Variants in ZP3 observed in about 807,000 individuals in gnomAD.
ZP3 encodes the protein zona pellucida sperm-binding protein 3.
ZP3 carries 21 observed loss-of-function variants against 35.6 expected under a neutral mutation model. The ratio of observed to expected loss-of-function variants is 0.59; its 90% CI spans 0.42 to 0.85. The LOEUF (loss-of-function observed/expected upper bound fraction) is 0.85, where lower values mean the gene tolerates loss of function less well. ZP3 is among the 40% of genes least tolerant of loss of function. The pLI is 0.00. For synonymous variants in ZP3, 207 were observed against 214.5 expected (o/e 0.96, Z 0.31); for missense variants, 437 against 536.5 (o/e 0.81, Z 1.83).
intron 2 of ZP3, among the ~76,000 whole-genome samples, chr7:76,430,730 A>G (rs1377850429): frequency 6.6e-6 from 1 of 152,186 alleles, no homozygotes; most frequent in Non-Finnish European, 1.5e-5. Flanking sequence ...GCAAGACTCC[A>G]TCTCAAAAAG....
chr7:76,413,755 C>T (rs1805304880), intron 1 of ZP3, among the ~76,000 whole-genome samples: 1 of 152,050 alleles, frequency 6.6e-6, no homozygotes, highest in Non-Finnish European at 1.5e-5. Context: ...CAGTTGCGAA[C>T]TCTGAGGTTG....
intron 2 of ZP3, 116 bp downstream of exon 2, chr7:76,429,749 A>C: frequency 1.2e-6 from 1 of 860,052 alleles, no homozygotes; most frequent in Middle Eastern, 3.0e-4. Flanking sequence ...CTACCTACCG[A>C]AGCATTTGCA....
At chr7:76,441,795 C>T (rs752743652) in intron 7 of ZP3, 47 bp from the exon 8 acceptor site, 114 of 1,613,502 alleles carry the variant, frequency 7.1e-5, no homozygotes, top group Admixed American at 4.7e-4. Flanking sequence ...ACCCAGTTCC[C>T]GGTTAGGGAC....
At chr7:76,412,178 ACT>A (rs1647979122) in intron 1 of ZP3, among the ~76,000 whole-genome samples, 1 of 144,570 alleles carries the variant, frequency 6.9e-6, no homozygotes, top group Non-Finnish European at 1.5e-5. Flanking sequence ...ACAGAGTGAG[ACT>A]CTGTCTCAAA....
At chr7:76,424,853 C>T, upstream of ZP3, 1 of 1,047,940 alleles carries the variant, frequency 9.5e-7, no homozygotes, top group East Asian at 2.6e-5. Context: ...AACAAGGGCC[C>T]AGCTGGCTAG....
intron 1 of ZP3, among the ~76,000 whole-genome samples, chr7:76,427,302 G>A (rs989613913): frequency 7.2e-5 from 11 of 152,090 alleles, no homozygotes; most frequent in African/African-American, 2.7e-4. Context: ...GAATCACGAG[G>A]TCAGGAGTTC....
exon 1 of ZP3, chr7:76,397,687 C>T: frequency 6.2e-7 from 1 of 1,613,432 alleles, no homozygotes; most frequent in Non-Finnish European, 8.5e-7. Context: ...CCATGGCCGC[C>T]CCGCAGCCCA....
chr7:76,401,804 T>G (rs543431721), intron 1 of ZP3, among the ~76,000 whole-genome samples: 2 of 152,312 alleles, frequency 1.3e-5, no homozygotes, highest in East Asian at 3.9e-4. Flanking sequence ...CTGTTTCCTC[T>G]GAATTCCTGG....
At chr7:76,436,086 C>T (rs1805998693) in intron 5 of ZP3, among the ~76,000 whole-genome samples, 1 of 97,200 alleles carries the variant, frequency 1.0e-5, no homozygotes. Context: ...GAGAGGGTCT[C>T]TGTCACCCAG....
chr7:76,421,258 G>T (rs931052493), upstream of ZP3, among the ~76,000 whole-genome samples: 6 of 151,530 alleles, frequency 4.0e-5, no homozygotes, highest in Admixed American at 6.6e-5. Context: ...TTGAGATGAG[G>T]TCTCACTCTA....
At chr7:76,435,904 T>G (rs536591665) in intron 5 of ZP3, among the ~76,000 whole-genome samples, 5 of 152,230 alleles carry the variant, frequency 3.3e-5, no homozygotes, top group Admixed American at 1.3e-4. Flanking sequence ...CTTGTATTTC[T>G]TAGTAGAGAC....
At chr7:76,438,116 G>A (rs1367835206) in intron 5 of ZP3, among the ~76,000 whole-genome samples, 3 of 152,244 alleles carry the variant, frequency 2.0e-5, no homozygotes, top group African/African-American at 7.2e-5. Context: ...GAATTGCCAT[G>A]CTCTGCCCGA....
chr7:76,425,424 G>A, intron 1 of ZP3, 148 bp downstream of exon 1: 1 of 847,626 alleles, frequency 1.2e-6, no homozygotes, highest in Non-Finnish European at 1.8e-6. Flanking sequence ...GCCTGAAGCT[G>A]GCACTGAGGT....
At chr7:76,408,224 A>G (rs1253353008) in intron 1 of ZP3, among the ~76,000 whole-genome samples, 1 of 152,010 alleles carries the variant, frequency 6.6e-6, no homozygotes, top group Non-Finnish European at 1.5e-5. Context: ...GCCCTGGTGT[A>G]CAAAGTCTGG....
intron 7 of ZP3, 133 bp downstream of exon 7, chr7:76,440,744 T>C (rs1806173608): frequency 4.2e-6 from 6 of 1,418,574 alleles, no homozygotes; most frequent in Admixed American, 2.8e-5. Context: ...GCAGCTACCT[T>C]TCCCTAACAC....
At chr7:76,415,824 ACT>A (rs1179720062) in intron 1 of ZP3, among the ~76,000 whole-genome samples, 1 of 151,276 alleles carries the variant, frequency 6.6e-6, no homozygotes, top group African/African-American at 2.4e-5. Context: ...GATTTTAAAC[ACT>A]CTATAATAAA....
At chr7:76,424,675 A>AAC (rs371599860), upstream of ZP3, among the ~76,000 whole-genome samples, 1,215 of 151,718 alleles carry the variant, frequency 8.0e-3, 11 homozygotes, top group Non-Finnish European at 0.012. Context: ...ACAAACCACA[A>AAC]ACACACACAC....
chr7:76,438,538 G>GGAAAAAAAAAAA (rs1554626485), intron 5 of ZP3, among the ~76,000 whole-genome samples: 4 of 88,556 alleles, frequency 4.5e-5, no homozygotes, highest in African/African-American at 2.2e-4. Flanking sequence ...CTCCGTCTCA[G>GGAAAAAAAAAAA]AAAAAAAAAA....
upstream of ZP3, among the ~76,000 whole-genome samples, chr7:76,420,342 A>G (rs1197512302): frequency 1.3e-5 from 2 of 152,130 alleles, no homozygotes; most frequent in Non-Finnish European, 2.9e-5. Flanking sequence ...TTTTCTGCAA[A>G]AACCTTGGCT....
Sources: allele counts gnomAD v4.1 joint callset (sites outside exome capture counted in the v4.1 genomes callset), GRCh38; gene constraint gnomAD v4.1.1; transcripts MANE v1.5; gene names NCBI Gene and HGNC (gene_info 2026-07-23, HGNC 2026-07-21).